Variants in SDK1 observed in about 807,000 individuals in gnomAD.
SDK1 encodes the protein protein sidekick-1.
Under a neutral mutation model 245.5 loss-of-function variants are expected in SDK1, and 157 were observed. That is an observed-to-expected ratio of 0.64 (90% CI 0.56 to 0.73). The LOEUF (loss-of-function observed/expected upper bound fraction) is 0.73, where lower values mean the gene tolerates loss of function less well. Among genes scored for constraint, SDK1 ranks in the 30% least tolerant of loss-of-function variants. The probability of loss-of-function intolerance (pLI) is 0.00; values close to 1 mark genes in which losing one functional copy is unlikely to be tolerated. For synonymous variants in SDK1, 1,647 were observed against 1,278.5 expected (o/e 1.29, Z -6.15); for missense variants, 3,583 against 3,002.3 (o/e 1.19, Z -4.52).
intron 25 of SDK1, among the ~76,000 whole-genome samples, chr7:4,125,151 TATGGATGGATGGATGGGTGGATGG>T (rs1784304935): frequency 1.8e-5 from 2 of 109,686 alleles, no homozygotes; most frequent in Non-Finnish European, 3.7e-5. Flanking sequence ...ATGATCGATT[TATGGATGGATGGATGGGTGGATGG>T]ATGGATGGAT....
intron 1 of SDK1, among the ~76,000 whole-genome samples, chr7:3,371,440 A>T (rs1781224920): frequency 6.6e-6 from 1 of 152,174 alleles, no homozygotes; most frequent in Admixed American, 6.5e-5. Flanking sequence ...CAAATTTAGG[A>T]TAAATCTGGT....
rs1780731260 is a variant in SDK1 at position 3,862,953 on chromosome 7, G to A, written c.847+41370G>A. On this transcript the variant is annotated intron_variant, in intron 5 of 44. Transcript: ENST00000404826. Reference sequence around the variant, plus strand: ...GCTCCTATGGGAATCCAGTGCCACCGCTGGCTGATCTGACAGGAGGGGGAG... The same window carrying A: ...GCTCCTATGGGAATCCAGTGCCACCACTGGCTGATCTGACAGGAGGGGGAG... Among the ~76,000 whole-genome samples the A allele has an allele frequency of 5.1e-5, 7 of 137,418 alleles. No individual in the cohort carries two copies. The South Asian group carries it at 1.2e-3, about 24-fold the overall frequency. The allele number at this position is 137,418 out of a possible 152,430, so 90.2% of individuals were successfully genotyped here.
At chr7:3,340,645 C>T (rs1339074204) in intron 1 of SDK1, among the ~76,000 whole-genome samples, 2 of 151,810 alleles carry the variant, frequency 1.3e-5, no homozygotes, top group African/African-American at 4.8e-5. Flanking sequence ...CGCCTGTAGT[C>T]CCAGCTACTC....
chr7:4,263,446 GCCGCGTAGACCTCTCTTGAGTGAGGGAGT>G (rs1788185636), intron 44 of SDK1, among the ~76,000 whole-genome samples: 1 of 150,328 alleles, frequency 6.7e-6, no homozygotes. Flanking sequence ...GAGTGGGGAG[GCCGCGTAGACCTCTCTTGAGTGAGGGAGT>G]CCGCGTAGAT....
intron 4 of SDK1, among the ~76,000 whole-genome samples, chr7:3,722,755 G>A (rs1053923601): frequency 6.6e-6 from 1 of 152,162 alleles, no homozygotes; most frequent in African/African-American, 2.4e-5. Flanking sequence ...GGACTCGCGC[G>A]GGTGGCTCAG....
In SDK1 at chr7:4,266,431, A is replaced by G. The variant is rs184047334; in HGVS notation, c.*1047A>G. ...CACACGCTCCCGACTCGCCTCGTGCACACCAGGCCGTCCCCTCCCTCTGTC... is the reference window on the plus strand; with the variant it reads ...CACACGCTCCCGACTCGCCTCGTGCGCACCAGGCCGTCCCCTCCCTCTGTC... On this transcript the variant is annotated 3_prime_UTR_variant, in exon 45 of 45. Transcript: ENST00000404826. 2.8e-4 allele frequency: 277 copies of G among 985,380 alleles called. 2 individuals are homozygous for G. The African/African-American group carries it at 4.6e-3, about 16-fold the overall frequency. 61.0% of individuals were successfully genotyped at this position (985,380 alleles called of 1,614,324 possible). A position where few individuals can be genotyped will look rare whatever the true frequency, so the allele number is the denominator to read the frequency against.
At chr7:3,705,636 G>C (rs76169357) in intron 4 of SDK1, among the ~76,000 whole-genome samples, 1 of 151,838 alleles carries the variant, frequency 6.6e-6, no homozygotes, top group Non-Finnish European at 1.5e-5. Context: ...TTCATTTATC[G>C]AATCAAGTAG....
At chr7:3,409,676 G>T (rs1446549836) in intron 1 of SDK1, among the ~76,000 whole-genome samples, 2 of 152,284 alleles carry the variant, frequency 1.3e-5, no homozygotes, top group East Asian at 1.9e-4. Context: ...CAGAAGAGAA[G>T]AGCGTTGGGG....
At chr7:4,151,815 C>A (rs896642532) in intron 30 of SDK1, among the ~76,000 whole-genome samples, 1 of 152,184 alleles carries the variant, frequency 6.6e-6, no homozygotes, top group East Asian at 1.9e-4. Context: ...TCTTAAGTAA[C>A]GCATATGCAG....
chr7:3,493,460 G>C (rs973145570), intron 1 of SDK1, among the ~76,000 whole-genome samples: 1 of 152,148 alleles, frequency 6.6e-6, no homozygotes, highest in African/African-American at 2.4e-5. Flanking sequence ...ATTACTTCTA[G>C]TGTGGTGTGC....
At chr7:3,945,966 A>T (rs547987835) in intron 5 of SDK1, among the ~76,000 whole-genome samples, 5 of 83,634 alleles carry the variant, frequency 6.0e-5, no homozygotes, top group South Asian at 8.9e-4. Context: ...CCAAAATTAA[A>T]AAAAGGAAAA....
At chr7:3,767,527 C>T (rs1780287917) in intron 4 of SDK1, among the ~76,000 whole-genome samples, 1 of 151,396 alleles carries the variant, frequency 6.6e-6, no homozygotes, top group Non-Finnish European at 1.5e-5. Flanking sequence ...TTCATGATAG[C>T]TAACACTTAC....
chr7:3,866,345 A>G (rs987587599), intron 5 of SDK1, among the ~76,000 whole-genome samples: 1 of 152,196 alleles, frequency 6.6e-6, no homozygotes, highest in Non-Finnish European at 1.5e-5. Context: ...CTCTGATTCC[A>G]GTGGGGAAAG....
At chr7:4,008,242 A>G (rs1562658420) in intron 14 of SDK1, among the ~76,000 whole-genome samples, 1 of 152,272 alleles carries the variant, frequency 6.6e-6, no homozygotes, top group Non-Finnish European at 1.5e-5. Flanking sequence ...GAAGCTGAAT[A>G]GTAGACATTG....
chr7:4,138,984 A>G (rs1779280236), intron 28 of SDK1, among the ~76,000 whole-genome samples: 1 of 152,120 alleles, frequency 6.6e-6, no homozygotes, highest in South Asian at 2.1e-4. Flanking sequence ...TGGGCCATAC[A>G]TTCAAGGGGT....
intron 35 of SDK1, among the ~76,000 whole-genome samples, chr7:4,204,104 C>G (rs765761030): frequency 1.3e-5 from 2 of 152,224 alleles, no homozygotes; most frequent in Non-Finnish European, 2.9e-5. Flanking sequence ...GGGGCTGTCG[C>G]GGGGGGAGGG....
chr7:3,715,056 G>A (rs1413336182), intron 4 of SDK1, among the ~76,000 whole-genome samples: 1 of 152,092 alleles, frequency 6.6e-6, no homozygotes, highest in Non-Finnish European at 1.5e-5. Flanking sequence ...AGATGCCTCA[G>A]CTTCTCCAAT....
chr7:3,394,122 C>G (rs1321859447), intron 1 of SDK1, among the ~76,000 whole-genome samples: 1 of 151,688 alleles, frequency 6.6e-6, no homozygotes, highest in African/African-American at 2.4e-5. Context: ...CAGAAGAACT[C>G]TCTGGATTAC....
chr7:3,945,696 G>A (rs759704320), intron 5 of SDK1, among the ~76,000 whole-genome samples: 6 of 151,874 alleles, frequency 4.0e-5, no homozygotes, highest in Non-Finnish European at 5.9e-5. Flanking sequence ...TCAGGAGATC[G>A]AGACCATCCT....
Sources: allele counts gnomAD v4.1 joint callset (sites outside exome capture counted in the v4.1 genomes callset), GRCh38; gene constraint gnomAD v4.1.1; transcripts MANE v1.5; gene names NCBI Gene and HGNC (gene_info 2026-07-23, HGNC 2026-07-21).